DPP6: variants seen among roughly 807,000 people sequenced by gnomAD.
DPP6 encodes A-type potassium channel modulatory protein DPP6.
In DPP6, 69 loss-of-function variants were observed where a neutral mutation model predicts 122.6. The observed-to-expected ratio is 0.56, with a 90% CI of 0.46 to 0.69. The LOEUF is 0.69. DPP6 is among the 30% of genes least tolerant of loss of function. The pLI, the probability that DPP6 is intolerant of heterozygous loss-of-function variation, is 0.00. For synonymous variants in DPP6, 418 were observed against 433.1 expected (o/e 0.97, Z 0.43); for missense variants, 928 against 1,116.9 (o/e 0.83, Z 2.41).
At chr7:154,792,224 A>G (rs111230639) in intron 10 of DPP6, among the ~76,000 whole-genome samples, 352 of 152,402 alleles carry the variant, frequency 2.3e-3, no homozygotes, top group African/African-American at 7.8e-3. Flanking sequence ...CATTGTGGAC[A>G]TGGAATCTTG....
chr7:154,252,272 T>A (rs1394194543), intron 1 of DPP6, among the ~76,000 whole-genome samples: 1 of 151,672 alleles, frequency 6.6e-6, no homozygotes, highest in African/African-American at 2.4e-5. Flanking sequence ...TGTGATGAAA[T>A]GGAGGAAGAA....
At chr7:154,629,188 G>C (rs1373950037) in intron 5 of DPP6, among the ~76,000 whole-genome samples, 2 of 152,088 alleles carry the variant, frequency 1.3e-5, no homozygotes. Flanking sequence ...AGCACCTAAC[G>C]GAACTTCTTT....
At chr7:154,074,985 TGG>T (rs1385206292) in intron 1 of DPP6, among the ~76,000 whole-genome samples, 3 of 150,488 alleles carry the variant, frequency 2.0e-5, no homozygotes, top group South Asian at 4.2e-4. Flanking sequence ...CATCAAAAAG[TGG>T]GCTAAGGACA....
intron 3 of DPP6, among the ~76,000 whole-genome samples, chr7:154,496,633 G>A (rs1037803717): frequency 5.3e-5 from 8 of 152,196 alleles, no homozygotes; most frequent in Non-Finnish European, 1.2e-4. Context: ...TTGTGAAGGG[G>A]CCTCTTCAAC....
chr7:154,365,882 T>C (rs570753940), intron 1 of DPP6, among the ~76,000 whole-genome samples: 332 of 139,698 alleles, frequency 2.4e-3, no homozygotes, highest in African/African-American at 7.7e-3. Context: ...GGCGTGAACC[T>C]GGGAGGCGGA....
chr7:154,555,437 A>T (rs1486406115), intron 4 of DPP6, among the ~76,000 whole-genome samples: 1 of 151,866 alleles, frequency 6.6e-6, no homozygotes, highest in Non-Finnish European at 1.5e-5. Context: ...GGACACAGGA[A>T]GGGGAACATC....
rs554237392 is a variant in DPP6, at chr7:154,218,809, C to T, written c.243+165746C>T. Reference sequence around the variant, plus strand: ...TGTAAATCACTTTTCTATTAAACAGCGGGGCTAAAAATGCAAACATATGTA... The same window carrying T: ...TGTAAATCACTTTTCTATTAAACAGTGGGGCTAAAAATGCAAACATATGTA... On this transcript the variant is annotated intron_variant, in intron 1 of 25. Coordinates refer to ENST00000377770, the MANE Select transcript of DPP6 (RefSeq NM_130797.4). 1.6e-3 allele frequency among the ~76,000 whole-genome samples: 236 copies of T among 152,234 alleles called. 1 individual carries two copies. The highest frequency in any genetic ancestry group is 3.4e-3 in the Middle Eastern group (1 of 294).
At chr7:154,207,418 AG>A (rs1235626005) in intron 1 of DPP6, among the ~76,000 whole-genome samples, 1 of 152,252 alleles carries the variant, frequency 6.6e-6, no homozygotes, top group African/African-American at 2.4e-5. Flanking sequence ...AACATATACA[AG>A]TGTTGTATTT....
upstream of DPP6, chr7:153,886,951 A>AGCGT (rs1230068674): frequency 6.6e-6 from 1 of 152,118 alleles, no homozygotes; most frequent in African/African-American, 2.4e-5. Flanking sequence ...GTGGAAGCCG[A>AGCGT]GCGTGCGTGC....
intron 1 of DPP6, among the ~76,000 whole-genome samples, chr7:154,071,692 T>C (rs11763463): frequency 0.25 from 37,766 of 151,388 alleles, 5,357 homozygotes; most frequent in Admixed American, 0.31. Flanking sequence ...ATATCATTTT[T>C]CTCCGCTAAA....
intron 6 of DPP6, among the ~76,000 whole-genome samples, chr7:154,639,652 C>G (rs750698999): frequency 6.6e-6 from 1 of 152,186 alleles, no homozygotes; most frequent in Non-Finnish European, 1.5e-5. Context: ...TAGCAAAGCT[C>G]AGGCCATGAT....
chr7:154,525,666 G>A (rs996034489), intron 3 of DPP6, among the ~76,000 whole-genome samples: 1 of 152,036 alleles, frequency 6.6e-6, no homozygotes, highest in African/African-American at 2.4e-5. Context: ...CTAACACATG[G>A]TCCATACCAA....
chr7:154,843,137 A>G (rs909792951), intron 16 of DPP6, among the ~76,000 whole-genome samples: 21 of 152,324 alleles, frequency 1.4e-4, no homozygotes, highest in Admixed American at 1.2e-3. Flanking sequence ...TTAAAAGCGT[A>G]TCCTAAATAC....
intron 2 of DPP6, among the ~76,000 whole-genome samples, chr7:154,472,442 A>G (rs1264356759): frequency 8.4e-6 from 1 of 119,006 alleles, no homozygotes; most frequent in East Asian, 2.6e-4. Flanking sequence ...TCTTTCCTTC[A>G]GCAAGTCCTC....
At chr7:154,724,217 T>A (rs1184778328) in intron 7 of DPP6, among the ~76,000 whole-genome samples, 6 of 152,094 alleles carry the variant, frequency 3.9e-5, no homozygotes, top group Non-Finnish European at 8.8e-5. Context: ...ACCACCAACA[T>A]AGACCATCTC....
At chr7:153,880,164 A>T in the DPP6 span, among the ~76,000 whole-genome samples, 4 of 152,226 alleles carry the variant, frequency 2.6e-5, no homozygotes, top group African/African-American at 9.6e-5. Context: ...TATAAGTTCT[A>T]TCATAAGCAA....
chr7:154,516,369 C>T (rs62475152), intron 3 of DPP6, among the ~76,000 whole-genome samples: 6 of 151,984 alleles, frequency 3.9e-5, no homozygotes, highest in Admixed American at 2.6e-4. Flanking sequence ...TGCTTAGCCA[C>T]GCAGGAAGGC....
intron 5 of DPP6, among the ~76,000 whole-genome samples, chr7:154,613,458 G>A (rs891177932): frequency 5.9e-5 from 9 of 151,298 alleles, no homozygotes; most frequent in African/African-American, 2.2e-4. Context: ...CGTCTCTACT[G>A]AAAATACAAA....
chr7:154,394,333 A>G (rs1250345179), intron 1 of DPP6, among the ~76,000 whole-genome samples: 1 of 152,054 alleles, frequency 6.6e-6, no homozygotes, highest in Admixed American at 6.6e-5. Context: ...GCATTTCCCT[A>G]ATGATTAGTG....
Sources: gnomAD v4.1 joint callset for allele counts (sites outside exome capture counted in the v4.1 genomes callset) on GRCh38, gnomAD v4.1.1 for gene constraint, MANE v1.5 for transcripts, NCBI Gene and HGNC (gene_info 2026-07-23, HGNC 2026-07-21) for gene names.